Variants in PLCH1 observed in about 807,000 individuals in gnomAD.
PLCH1 encodes the protein 1-phosphatidylinositol 4,5-bisphosphate phosphodiesterase eta-1.
Under a neutral mutation model 126.7 loss-of-function variants are expected in PLCH1, and 60 were observed. The observed-to-expected ratio is 0.47, with a 90% CI of 0.38 to 0.59. The LOEUF is 0.59. PLCH1 is among the 20% of genes least tolerant of loss of function. The probability of loss-of-function intolerance (pLI) is 0.00; values close to 1 mark genes in which losing one functional copy is unlikely to be tolerated. For synonymous variants in PLCH1, 719 were observed against 734.9 expected, an observed-to-expected ratio of 0.98 and a Z score of 0.35; for missense variants, 1,723 against 2,040.0, an observed-to-expected ratio of 0.84 and a Z score of 2.99.
downstream of PLCH1, among the ~76,000 whole-genome samples, chr3:155,478,059 T>C (rs928235520): frequency 2.2e-4 from 34 of 152,148 alleles, no homozygotes; most frequent in African/African-American, 8.0e-4. Context: ...TGGAGTACTA[T>C]TCAGCCATAA....
At position 155,508,506 on chromosome 3, in the gene PLCH1, C is replaced by G. The variant is rs1001502819; in HGVS notation, c.1633-3880G>C. 6.8e-5 allele frequency among the ~76,000 whole-genome samples: 8 copies of G among 117,064 alleles called. No individual in the cohort carries two copies. In the East Asian group the frequency reaches 1.2e-3, roughly 18 times the overall value. 76.8% of individuals were successfully genotyped at this position (117,064 alleles called of 152,430 possible). The stretch of plus-strand genomic sequence containing the variant: ...GGCTGTGGGTTTGTCATAGATAGCT[C>G]TTATTATTTTGAAATACGTCCCATC... On this transcript the variant is annotated intron_variant, in intron 12 of 22. Coordinates refer to ENST00000460012, the MANE Select transcript of PLCH1 (RefSeq NM_014996.4).
intron 21 of PLCH1, among the ~76,000 whole-genome samples, chr3:155,462,370 T>A (rs1018626875): frequency 2.0e-5 from 3 of 152,162 alleles, no homozygotes; most frequent in African/African-American, 7.2e-5. Context: ...AGCTGACTAC[T>A]GACTGAAGAT....
At chr3:155,629,855 C>T (rs764549393) in intron 2 of PLCH1, among the ~76,000 whole-genome samples, 25 of 152,174 alleles carry the variant, frequency 1.6e-4, no homozygotes, top group Non-Finnish European at 3.2e-4. Context: ...ACTTTGCACT[C>T]GCTGTACTCG....
chr3:155,632,165 T>C (rs1251549670), intron 2 of PLCH1, among the ~76,000 whole-genome samples: 2 of 152,286 alleles, frequency 1.3e-5, no homozygotes, highest in African/African-American at 2.4e-5. Flanking sequence ...GTGATCATTA[T>C]TGTGTCTGAA....
At chr3:155,722,747 A>G (rs1257158307) in intron 1 of PLCH1, among the ~76,000 whole-genome samples, 2 of 152,148 alleles carry the variant, frequency 1.3e-5, no homozygotes, top group African/African-American at 2.4e-5. Flanking sequence ...GGAATTTTGC[A>G]TCTATGTTCA....
At chr3:155,713,592 G>A (rs150674384) in intron 1 of PLCH1, among the ~76,000 whole-genome samples, 3 of 152,272 alleles carry the variant, frequency 2.0e-5, no homozygotes, top group Admixed American at 6.5e-5. Flanking sequence ...TAATGCACAC[G>A]CCTGCCTCCT....
At chr3:155,733,158 A>G (rs1037589673) in intron 1 of PLCH1, among the ~76,000 whole-genome samples, 1 of 152,190 alleles carries the variant, frequency 6.6e-6, no homozygotes, top group Admixed American at 6.5e-5. Context: ...TACATATTCA[A>G]TGTAATTCCT....
At chr3:155,569,418 G>A (rs112850595) in intron 6 of PLCH1, among the ~76,000 whole-genome samples, 1 of 152,022 alleles carries the variant, frequency 6.6e-6, no homozygotes, top group African/African-American at 2.4e-5. Context: ...CTGCTGTATG[G>A]CTGTTTTTTG....
At chr3:155,662,527 T>A (rs1416582735) in intron 2 of PLCH1, among the ~76,000 whole-genome samples, 3 of 151,786 alleles carry the variant, frequency 2.0e-5, no homozygotes, top group Non-Finnish European at 1.5e-5. Flanking sequence ...TTTTTTTTTT[T>A]AATCTTAAGC....
intron 2 of PLCH1, among the ~76,000 whole-genome samples, chr3:155,643,752 T>C (rs527548831): frequency 6.6e-6 from 1 of 152,362 alleles, no homozygotes; most frequent in South Asian, 2.1e-4. Flanking sequence ...CATCATTGTA[T>C]TTCCCAGTGT....
intron 2 of PLCH1, among the ~76,000 whole-genome samples, chr3:155,665,148 T>C (rs560089533): frequency 6.6e-6 from 1 of 151,304 alleles, no homozygotes; most frequent in South Asian, 2.1e-4. Flanking sequence ...GGTAATCTTT[T>C]GGGTAACATG....
chr3:155,673,048 C>CTTT (rs66672315), intron 2 of PLCH1, among the ~76,000 whole-genome samples: 3,033 of 68,218 alleles, frequency 0.044, 451 homozygotes, highest in African/African-American at 0.066. Context: ...CTTCTGTTGC[C>CTTT]TTTTTTTTTT....
intron 18 of PLCH1, among the ~76,000 whole-genome samples, chr3:155,492,458 T>C (rs1716366890): frequency 6.6e-6 from 1 of 152,222 alleles, no homozygotes; most frequent in African/African-American, 2.4e-5. Flanking sequence ...GTTAATAATA[T>C]AATTGTCTTT....
At position 155,595,912 on chromosome 3, in the gene PLCH1, T is replaced by A. The variant is rs546332093; in HGVS notation, c.226+320A>T. ...TACATTTTAAAGCCCATTAGCTTTA[T>A]AATGTCCCTCACCTTTTATAGGAAT... On this transcript the variant is annotated intron_variant, in intron 3 of 22. Transcript: ENST00000460012. Among the ~76,000 whole-genome samples, 16 of 152,290 alleles carry A rather than the reference T, an allele frequency of 1.1e-4. No homozygotes were observed. The South Asian group carries it at 3.1e-3, about 30-fold the overall frequency.
chr3:155,592,881 T>G (rs1411009187), intron 4 of PLCH1, among the ~76,000 whole-genome samples: 2 of 152,176 alleles, frequency 1.3e-5, no homozygotes, highest in Non-Finnish European at 2.9e-5. Context: ...CCTGTTTGTG[T>G]TTTGTTCATT....
chr3:155,501,671 T>C (rs1717925375), intron 13 of PLCH1, among the ~76,000 whole-genome samples: 2 of 152,060 alleles, frequency 1.3e-5, no homozygotes, highest in Non-Finnish European at 2.9e-5. Context: ...GGCAGGTGCC[T>C]ATAATCCCAG....
chr3:155,702,481 GAAT>G (rs1274635141), intron 2 of PLCH1, among the ~76,000 whole-genome samples: 1 of 152,098 alleles, frequency 6.6e-6, no homozygotes, highest in African/African-American at 2.4e-5. Flanking sequence ...AAAATGGGTT[GAAT>G]AATAGCTATA....
At chr3:155,499,233 G>A (rs73011573) in intron 14 of PLCH1, among the ~76,000 whole-genome samples, 1 of 152,152 alleles carries the variant, frequency 6.6e-6, no homozygotes, top group African/African-American at 2.4e-5. Context: ...GTTTCTTTTC[G>A]ATAGTTAGAT....
At chr3:155,524,536 ATGT>A (rs973963502) in intron 10 of PLCH1, among the ~76,000 whole-genome samples, 14 of 152,216 alleles carry the variant, frequency 9.2e-5, no homozygotes, top group African/African-American at 3.1e-4. Flanking sequence ...TGAAAATAAA[ATGT>A]TGTATCATTA....
Sources: gnomAD v4.1 joint callset for allele counts (sites outside exome capture counted in the v4.1 genomes callset) on GRCh38, gnomAD v4.1.1 for gene constraint, MANE v1.5 for transcripts, NCBI Gene and HGNC (gene_info 2026-07-23, HGNC 2026-07-21) for gene names.